Variants in PIGB observed in about 807,000 individuals in gnomAD.
PIGB encodes GPI alpha-1,2-mannosyltransferase 3.
A neutral mutation model predicts 68.4 loss-of-function variants in PIGB; 58 were observed. The observed-to-expected ratio is 0.85, with a 90% CI of 0.69 to 1.06. The LOEUF (loss-of-function observed/expected upper bound fraction) is 1.06. Among genes scored for constraint, PIGB ranks in the 50% least tolerant of loss-of-function variants. The pLI, the probability that PIGB is intolerant of heterozygous loss-of-function variation, is 0.00. For missense variants in PIGB, 634 were observed against 655.8 expected, an observed-to-expected ratio of 0.97 and a Z score of 0.36; for synonymous variants, 219 against 220.5, an observed-to-expected ratio of 0.99 and a Z score of 0.06.
chr15:55,350,471 A>G, intron 9 of PIGB: 1 of 534,824 alleles, frequency 1.9e-6, no homozygotes, highest in South Asian at 2.6e-5. Flanking sequence ...TGGACTCCAT[A>G]ACCATCATCT....
chr15:55,353,765 C>T (rs1281257618), intron 10 of PIGB, among the ~76,000 whole-genome samples: 3 of 151,916 alleles, frequency 2.0e-5, no homozygotes, highest in Admixed American at 6.6e-5. Flanking sequence ...CCACCATGCC[C>T]GGCTAATTTT....
At chr15:55,323,190 T>G (rs953426769) in intron 3 of PIGB, among the ~76,000 whole-genome samples, 1 of 152,210 alleles carries the variant, frequency 6.6e-6, no homozygotes, top group Admixed American at 6.5e-5. Context: ...ATACATAATT[T>G]TGAAGCTAGA....
Position 55,355,493 on chromosome 15 carries a change from G to A in PIGB, c.*61G>A, listed in dbSNP as rs2056060485. On this transcript the variant is annotated 3_prime_UTR_variant, in exon 12 of 12. Transcript: ENST00000164305. ...TATTCAGATGCTGCTTAAATACTTCGGTAAACACTGGGTAAGATTCATGGA... is the reference window on the plus strand; with the variant it reads ...TATTCAGATGCTGCTTAAATACTTCAGTAAACACTGGGTAAGATTCATGGA... 19 of 1,326,210 alleles carry A rather than the reference G, an allele frequency of 1.4e-5. No homozygotes were observed. The highest frequency in any genetic ancestry group is 2.1e-4 in the Middle Eastern group (1 of 4,668). 82.2% of individuals were successfully genotyped at this position (1,326,210 alleles called of 1,614,324 possible). A position where few individuals can be genotyped will look rare whatever the true frequency, so the allele number is the denominator to read the frequency against.
chr15:55,334,156 A>ACT (rs2055484940), intron 6 of PIGB, 149 bp downstream of exon 6: 1 of 478,856 alleles, frequency 2.1e-6, no homozygotes, highest in South Asian at 6.7e-5. Flanking sequence ...CAAAACTTAT[A>ACT]TTTTTTATTT....
intron 10 of PIGB, among the ~76,000 whole-genome samples, chr15:55,351,155 T>A (rs2055913660): frequency 6.7e-6 from 1 of 150,300 alleles, no homozygotes; most frequent in Non-Finnish European, 1.5e-5. Flanking sequence ...TTGCCCAGGC[T>A]GGAGTGCAGT....
intron 9 of PIGB, among the ~76,000 whole-genome samples, 175 bp downstream of exon 9, chr15:55,341,977 T>A (rs1055036192): frequency 2.0e-5 from 3 of 152,208 alleles, no homozygotes. Context: ...TTTTCCTATA[T>A]CCTCTAAAGT....
intron 4 of PIGB, among the ~76,000 whole-genome samples, chr15:55,328,682 C>G (rs141806121): frequency 6.6e-6 from 1 of 152,242 alleles, no homozygotes; most frequent in East Asian, 1.9e-4. Flanking sequence ...AGATACAGCA[C>G]TAGGGCCGGG....
chr15:55,352,304 G>A (rs2055943692), intron 10 of PIGB, among the ~76,000 whole-genome samples: 1 of 152,108 alleles, frequency 6.6e-6, no homozygotes, highest in Non-Finnish European at 1.5e-5. Flanking sequence ...TAAAAAATTA[G>A]GGAATGCGAC....
chr15:55,347,631 T>G (rs1295744857), intron 9 of PIGB, among the ~76,000 whole-genome samples: 1 of 152,224 alleles, frequency 6.6e-6, no homozygotes, highest in African/African-American at 2.4e-5. Context: ...CAGTATCCAC[T>G]GTCCCCAAGA....
chr15:55,333,750 C>CA (rs879512280), intron 5 of PIGB, 117 bp from the exon 6 acceptor site: 67 of 672,804 alleles, frequency 1.0e-4, no homozygotes, highest in Non-Finnish European at 1.3e-4. Flanking sequence ...CAAAACAAAA[C>CA]AAAAAAAAGT....
intron 5 of PIGB, 83 bp from the exon 6 acceptor site, chr15:55,333,784 G>C: frequency 9.8e-7 from 1 of 1,022,402 alleles, no homozygotes; most frequent in Non-Finnish European, 1.4e-6. Context: ...TATACCAAAA[G>C]GAAAATGTCA....
Position 55,355,430 on chromosome 15 carries a change from T to G in PIGB, c.1663T>G (p.Ter555GlyextTer54). 1.2e-6 allele frequency: 2 copies of G among 1,605,154 alleles called. No homozygotes were observed. Among genetic ancestry groups the G allele is most frequent in the Non-Finnish European group, 1.7e-6 (2 of 1,176,152 alleles). The change falls in exon 12 of 12, where the codon TGA becomes GGA. Residue 555 changes from the stop codon to glycine, a stop_lost. Coordinates refer to ENST00000164305, the MANE Select transcript of PIGB (RefSeq NM_004855.5). ...GAAATTCAACATGAAGATGAAATTC[T>G]GAACTTTCCTAGATAAATTAACATT... ...KGKFNMKMKF[*>G]
Position 55,329,521 on chromosome 15 carries a change from A to G in PIGB, c.523-203A>G, listed in dbSNP as rs150029598. 2.0e-5 allele frequency among the ~76,000 whole-genome samples: 3 copies of G among 152,346 alleles called. No homozygotes were observed. In the East Asian group the frequency reaches 5.8e-4, roughly 29 times the overall value. On this transcript the variant is annotated intron_variant, in intron 4 of 11. Coordinates refer to ENST00000164305, the MANE Select transcript of PIGB (RefSeq NM_004855.5). ...AAAGTATAAACTTCTTAACATGAAC[A>G]AATATAGATCTGCTATTATCATAAA...
At chr15:55,322,002 G>A (rs1000965712) in intron 3 of PIGB, among the ~76,000 whole-genome samples, 7 of 151,202 alleles carry the variant, frequency 4.6e-5, no homozygotes, top group African/African-American at 7.3e-5. Context: ...CAGAGAAACC[G>A]CGTCTCTACT....
chr15:55,320,393 A>G lies in PIGB; in HGVS notation c.282A>G (p.Ser94=), dbSNP rs373993089. 1.9e-5 allele frequency: 30 copies of G among 1,613,488 alleles called. No homozygotes were observed. The highest frequency in any genetic ancestry group is 2.5e-5 in the Non-Finnish European group (30 of 1,179,714). Residue 94 remains serine (S), a synonymous_variant, in exon 2 of 12, where the codon TCA becomes TCG. Transcript: ENST00000164305. ...AATACTGGCAGTCTCTTGAAGTTTC[A>G]CATCACATGGTTTTCAAATATCCTT... ...PDEYWQSLEV[S]HHMVFNYGYL...
chr15:55,319,694 C>A (rs1198028619), intron 1 of PIGB: 2 of 264,114 alleles, frequency 7.6e-6, no homozygotes, highest in East Asian at 7.7e-5. Context: ...GGGTTTGAAT[C>A]CTGATAAGTA....
At chr15:55,324,818 T>C in intron 3 of PIGB, 1 of 985,116 alleles carries the variant, frequency 1.0e-6, no homozygotes, top group South Asian at 4.7e-5. Flanking sequence ...TAGCTCCCTA[T>C]GCAGAGTAAA....
Position 55,328,936 on chromosome 15 carries a change from C to T in PIGB, c.523-788C>T, listed in dbSNP as rs2055350893. On this transcript the variant is annotated intron_variant, in intron 4 of 11. Coordinates refer to ENST00000164305, the MANE Select transcript of PIGB (RefSeq NM_004855.5). The stretch of plus-strand genomic sequence containing the variant: ...CTGCACTCTAACCTGGGTGACAGAG[C>T]AAGAGCAAGACTCCTTCTCGAAGAA... Among the ~76,000 whole-genome samples the T allele has an allele frequency of 2.6e-5, 4 of 151,732 alleles. No individual in the cohort carries two copies. In the South Asian group the frequency reaches 8.3e-4, roughly 32 times the overall value.
chr15:55,321,927 C>A (rs1254407951), intron 3 of PIGB, among the ~76,000 whole-genome samples: 3 of 148,408 alleles, frequency 2.0e-5, no homozygotes, highest in Non-Finnish European at 4.5e-5. Context: ...GTAATCCCAG[C>A]ACTTTGGGAG....
Sources: allele counts gnomAD v4.1 joint callset (sites outside exome capture counted in the v4.1 genomes callset), GRCh38; gene constraint gnomAD v4.1.1; transcripts MANE v1.5; gene names NCBI Gene and HGNC (gene_info 2026-07-23, HGNC 2026-07-21).